Variants in CSTF3 observed in about 807,000 individuals in gnomAD.
The protein encoded by CSTF3 is cleavage stimulation factor subunit 3.
CSTF3 carries 29 observed loss-of-function variants against 105.8 expected under a neutral mutation model. The ratio of observed to expected loss-of-function variants is 0.27; its 90% CI spans 0.20 to 0.37. CSTF3 has a LOEUF of 0.37. CSTF3 is among the 10% of genes least tolerant of loss of function. CSTF3 has a pLI of 1.00. For synonymous variants in CSTF3, 252 were observed against 281.9 expected, an observed-to-expected ratio of 0.89 and a Z score of 1.06; for missense variants, 357 against 879.3, an observed-to-expected ratio of 0.41 and a Z score of 7.51.
rs1281118071 is a variant in CSTF3, at chr11:33,161,244, A to G, written c.27+55T>C. ...AGCCGAACATGTCTGGAGCAGTCGG[A>G]GGAACAGACGTGGAGAAGAGGTCGC... On this transcript the variant is annotated intron_variant, in intron 1 of 20. Transcript: ENST00000323959. The G allele has an allele frequency of 3.1e-6, 5 of 1,603,316 alleles. No individual in the cohort carries two copies. In the South Asian group the frequency reaches 3.3e-5, roughly 11 times the overall value.
chr11:33,126,533 C>T (rs1055919790), intron 3 of CSTF3, among the ~76,000 whole-genome samples: 1 of 151,904 alleles, frequency 6.6e-6, no homozygotes, highest in African/African-American at 2.4e-5. Flanking sequence ...CTCTGAAATA[C>T]TTAAATATTT....
intron 3 of CSTF3, chr11:33,134,394 T>C (rs894930696): frequency 1.3e-5 from 2 of 152,142 alleles, no homozygotes; most frequent in Non-Finnish European, 2.9e-5. Context: ...ATACCCCAAA[T>C]ACGGGAAGCA....
At position 33,102,358 on chromosome 11, in the gene CSTF3, G is replaced by GA; in HGVS notation, c.664-20dup. 6.2e-7 allele frequency: 1 copy of GA among 1,612,870 alleles called. No homozygotes were observed. Among genetic ancestry groups the GA allele is most frequent in the African/African-American group, 1.3e-5 (1 of 75,028 alleles). On this transcript the variant is annotated intron_variant, in intron 9 of 20. Transcript: ENST00000323959. ...CATATTCCTAGACAACAAGGATTTA[G>GA]AATTCTTTGGTGAGCCAGGAACAAC...
rs567110142 is a variant in CSTF3, at chr11:33,106,778, CTTTATATCAT to C, written c.357-724_357-715del. ...AAAATAAGGCTCATGTCTTACTTAT[CTTTATATCAT>C]TTAAGTTGCATAATTCTATACATAG... On this transcript the variant is annotated intron_variant, in intron 5 of 20. Transcript: ENST00000323959. Among the ~76,000 whole-genome samples the C allele has an allele frequency of 1.6e-3, 250 of 152,152 alleles. 4 individuals are homozygous for C. The highest frequency in any genetic ancestry group is 5.8e-3 in the African/African-American group (239 of 41,520).
Position 33,141,984 on chromosome 11 carries a change from T to C in CSTF3, c.30A>G (p.Ala10=). The change falls in exon 2 of 21, where the codon GCA becomes GCG. Residue 10 remains alanine (A), a splice_region_variant and synonymous_variant. Transcript: ENST00000323959. MSGDGATEQ[A]AEYVPEKVKK... ...TCACCTTCTCTGGGACATACTCAGC[T>C]GCCTGGGGAAAAAAAACAACAGTGA... 6.2e-7 allele frequency: 1 copy of C among 1,613,602 alleles called. No homozygotes were observed. Among genetic ancestry groups the C allele is most frequent in the Non-Finnish European group, 8.5e-7 (1 of 1,179,740 alleles).
intron 3 of CSTF3, among the ~76,000 whole-genome samples, chr11:33,123,989 A>G (rs1228327027): frequency 6.6e-6 from 1 of 152,120 alleles, no homozygotes; most frequent in African/African-American, 2.4e-5. Context: ...ATTTAAACAC[A>G]TATCTATATT....
chr11:33,123,186 GAAAAA>G (rs960743307), intron 3 of CSTF3, among the ~76,000 whole-genome samples: 6 of 134,536 alleles, frequency 4.5e-5, no homozygotes, highest in African/African-American at 1.6e-4. Flanking sequence ...TTGTAAAGAT[GAAAAA>G]AAAAAACAAA....
chr11:33,111,585 A>C (rs1199789606), intron 3 of CSTF3, among the ~76,000 whole-genome samples: 1 of 152,214 alleles, frequency 6.6e-6, no homozygotes, highest in Non-Finnish European at 1.5e-5. Flanking sequence ...ATACGGGTGG[A>C]TGCAAAAATA....
At chr11:33,095,359 C>T (rs1017314407) in intron 15 of CSTF3, among the ~76,000 whole-genome samples, 1 of 152,186 alleles carries the variant, frequency 6.6e-6, no homozygotes, top group Non-Finnish European at 1.5e-5. Flanking sequence ...CCACACCTAG[C>T]TAAAAAACCA....
chr11:33,150,578 C>T (rs1855847484), intron 1 of CSTF3, among the ~76,000 whole-genome samples: 1 of 152,098 alleles, frequency 6.6e-6, no homozygotes, highest in African/African-American at 2.4e-5. Flanking sequence ...GTAGGGGGGC[C>T]AGGCACAGTG....
Position 33,161,403 on chromosome 11 carries a change from C to G in CSTF3, c.-78G>C. 1 of 1,531,516 alleles carries G rather than the reference C, an allele frequency of 6.5e-7. No individual in the cohort carries two copies. The highest frequency in any genetic ancestry group is 9.0e-7 in the Non-Finnish European group (1 of 1,116,048). The allele number at this position is 1,531,516 out of a possible 1,614,324, so 94.9% of individuals were successfully genotyped here. On this transcript the variant is annotated 5_prime_UTR_variant, in exon 1 of 21. Coordinates refer to ENST00000323959, the MANE Select transcript of CSTF3 (RefSeq NM_001326.3). ...GAAAAATTAAACTAAAAACCACCCC[C>G]AAATCAGTAAAGTTACCCCCTGCCC...
chr11:33,103,942 T>A (rs1855303581), intron 8 of CSTF3, among the ~76,000 whole-genome samples: 1 of 152,124 alleles, frequency 6.6e-6, no homozygotes, highest in Admixed American at 6.6e-5. Context: ...CAAGTAATCC[T>A]CTTGCCTCAG....
intron 4 of CSTF3, 146 bp from the exon 5 acceptor site, chr11:33,108,146 G>T: frequency 1.6e-6 from 1 of 617,496 alleles, no homozygotes; most frequent in Non-Finnish European, 2.6e-6. Context: ...CCCATTTTCA[G>T]TTTAGATAAT....
At chr11:33,094,048 T>C (rs1322653218) in intron 15 of CSTF3, among the ~76,000 whole-genome samples, 1 of 152,226 alleles carries the variant, frequency 6.6e-6, no homozygotes. Context: ...AATAGTCTAG[T>C]GACTACCATA....
chr11:33,157,892 A>T (rs1279034587), intron 1 of CSTF3, among the ~76,000 whole-genome samples: 1 of 151,974 alleles, frequency 6.6e-6, no homozygotes, highest in African/African-American at 2.4e-5. Flanking sequence ...AGTCTCATTG[A>T]GTTTATTTTT....
chr11:33,138,424 GATT>G (rs1196616703), intron 3 of CSTF3, among the ~76,000 whole-genome samples: 1 of 151,774 alleles, frequency 6.6e-6, no homozygotes, highest in Non-Finnish European at 1.5e-5. Context: ...TCAATTTTGT[GATT>G]ATTTAGTGAC....
chr11:33,140,718 G>A (rs1855701744), intron 3 of CSTF3, among the ~76,000 whole-genome samples: 1 of 151,972 alleles, frequency 6.6e-6, no homozygotes. Flanking sequence ...GTTATGTTGA[G>A]GCTGCAGTGT....
intron 8 of CSTF3, among the ~76,000 whole-genome samples, chr11:33,103,797 A>G: frequency 6.6e-6 from 1 of 152,034 alleles, no homozygotes; most frequent in Non-Finnish European, 1.5e-5. Context: ...GTACAGATTC[A>G]TCTGGGTGAA....
chr11:33,124,100 AG>A (rs1246159886), intron 3 of CSTF3, among the ~76,000 whole-genome samples: 2 of 152,158 alleles, frequency 1.3e-5, no homozygotes, highest in African/African-American at 4.8e-5. Context: ...TACAGAAATT[AG>A]ATGTATAATA....
Sources: gnomAD v4.1 joint callset for allele counts (sites outside exome capture counted in the v4.1 genomes callset) on GRCh38, gnomAD v4.1.1 for gene constraint, MANE v1.5 for transcripts, NCBI Gene and HGNC (gene_info 2026-07-23, HGNC 2026-07-21) for gene names.